Variants in SLC24A2 observed in about 807,000 individuals in gnomAD.
SLC24A2 encodes the protein sodium/potassium/calcium exchanger 2.
In SLC24A2, 36 loss-of-function variants were observed where a neutral mutation model predicts 62.0. That is an observed-to-expected ratio of 0.58 (90% confidence interval 0.44 to 0.77). The LOEUF (loss-of-function observed/expected upper bound fraction) is 0.77, where lower values mean the gene tolerates loss of function less well. Among genes scored for constraint, SLC24A2 ranks in the 30% least tolerant of loss-of-function variants. SLC24A2 has a pLI of 0.00. For missense variants in SLC24A2, 846 were observed against 817.9 expected, an observed-to-expected ratio of 1.03 and a Z score of -0.42; for synonymous variants, 358 against 294.0, an observed-to-expected ratio of 1.22 and a Z score of -2.23.
At chr9:19,795,675 G>A in the SLC24A2 span, among the ~76,000 whole-genome samples, 1 of 151,766 alleles carries the variant, frequency 6.6e-6, no homozygotes, top group Non-Finnish European at 1.5e-5. Context: ...ATTCTTATCA[G>A]GGAAGAGGTG....
At chr9:20,287,652 T>C in the SLC24A2 span, among the ~76,000 whole-genome samples, 1 of 152,218 alleles carries the variant, frequency 6.6e-6, no homozygotes, top group East Asian at 1.9e-4. Context: ...AATACGTGCC[T>C]TCGCAGAGCT....
the SLC24A2 span, among the ~76,000 whole-genome samples, chr9:19,827,105 G>A: frequency 6.6e-6 from 1 of 152,154 alleles, no homozygotes; most frequent in East Asian, 1.9e-4. Context: ...ACTTTTTCAT[G>A]TTTCTAAGTT....
chr9:20,268,817 T>C, the SLC24A2 span, among the ~76,000 whole-genome samples: 1 of 152,192 alleles, frequency 6.6e-6, no homozygotes, highest in South Asian at 2.1e-4. Context: ...TGTCCCAGAC[T>C]CATTGCAGGC....
Position 19,632,329 on chromosome 9 carries a change from G to A in SLC24A2, c.931-10030C>T, listed in dbSNP as rs933069770. Among the ~76,000 whole-genome samples, 3 of 152,098 alleles carry A rather than the reference G, an allele frequency of 2.0e-5. No individual in the cohort carries two copies. Among genetic ancestry groups the A allele is most frequent in the East Asian group, 1.9e-4 (1 of 5,170 alleles). ...CCATTTGCCAAATATCCTCCTTCACGGCATTTAAAAAATCACCCATTCATT... is the reference window on the plus strand; with the variant it reads ...CCATTTGCCAAATATCCTCCTTCACAGCATTTAAAAAATCACCCATTCATT... On this transcript the variant is annotated intron_variant, in intron 2 of 10. Transcript: ENST00000341998. The surrounding 1 kb of genome is among the most constrained non-coding windows in gnomAD (Gnocchi z 4.5).
At chr9:19,636,326 T>TTCTTTTCCTTTTC (rs1491476004) in intron 2 of SLC24A2, among the ~76,000 whole-genome samples, 3 of 26,874 alleles carry the variant, frequency 1.1e-4, no homozygotes, top group Non-Finnish European at 2.2e-4. Context: ...TTTCTTTCTT[T>TTCTTTTCCTTTTC]CTTTCTTTCT....
chr9:19,919,963 A>G, the SLC24A2 span, among the ~76,000 whole-genome samples: 2 of 152,190 alleles, frequency 1.3e-5, no homozygotes, highest in East Asian at 1.9e-4. Context: ...TCAGAGCCCA[A>G]TATATTCAAT....
the SLC24A2 span, among the ~76,000 whole-genome samples, chr9:20,304,294 G>A: frequency 0.015 from 2,213 of 151,848 alleles, 37 homozygotes; most frequent in Non-Finnish European, 0.021. Flanking sequence ...CCACAGCCCC[G>A]GGAGCGGATT....
At chr9:20,042,909 T>C in the SLC24A2 span, among the ~76,000 whole-genome samples, 1 of 152,244 alleles carries the variant, frequency 6.6e-6, no homozygotes, top group African/African-American at 2.4e-5. Flanking sequence ...CCATGTAAGA[T>C]GGAAAACTTA....
At chr9:20,218,682 G>C in the SLC24A2 span, among the ~76,000 whole-genome samples, 2 of 152,138 alleles carry the variant, frequency 1.3e-5, no homozygotes, top group African/African-American at 4.8e-5. Context: ...GTTCATACAG[G>C]ACTGAGCCAA....
At chr9:20,306,591 G>A in the SLC24A2 span, among the ~76,000 whole-genome samples, 1 of 152,244 alleles carries the variant, frequency 6.6e-6, no homozygotes, top group Non-Finnish European at 1.5e-5. Flanking sequence ...AGCCAGGGAG[G>A]TGGCACATCC....
the SLC24A2 span, among the ~76,000 whole-genome samples, chr9:19,905,474 T>A: frequency 6.6e-6 from 1 of 151,616 alleles, no homozygotes; most frequent in Non-Finnish European, 1.5e-5. Context: ...AATGGTGTGA[T>A]CTAGGCTCAA....
At chr9:20,270,257 C>T in the SLC24A2 span, among the ~76,000 whole-genome samples, 1 of 152,298 alleles carries the variant, frequency 6.6e-6, no homozygotes, top group South Asian at 2.1e-4. Context: ...AATCAAATTT[C>T]AGCATGCATT....
At chr9:19,798,433 A>G in the SLC24A2 span, among the ~76,000 whole-genome samples, 1 of 152,136 alleles carries the variant, frequency 6.6e-6, no homozygotes, top group Admixed American at 6.6e-5. Flanking sequence ...TTCCAAAATA[A>G]GATTTTCTTA....
intron 2 of SLC24A2, among the ~76,000 whole-genome samples, chr9:19,697,955 A>G (rs1370769464): frequency 2.0e-5 from 3 of 152,208 alleles, no homozygotes; most frequent in African/African-American, 7.2e-5. Flanking sequence ...AATATATATT[A>G]AGACCATGGC....
At chr9:20,135,362 T>C in the SLC24A2 span, among the ~76,000 whole-genome samples, 1 of 113,604 alleles carries the variant, frequency 8.8e-6, no homozygotes, top group Admixed American at 9.4e-5. Context: ...ATTTAAAATT[T>C]TAATTTTTAA....
chr9:19,552,045 T>C (rs889835858), intron 7 of SLC24A2, among the ~76,000 whole-genome samples: 8 of 152,190 alleles, frequency 5.3e-5, no homozygotes, highest in African/African-American at 1.9e-4. Context: ...TAAGGCAGCA[T>C]CAGGAAGTTG....
chr9:19,671,676 A>G (rs530932505), intron 2 of SLC24A2, among the ~76,000 whole-genome samples: 1 of 152,244 alleles, frequency 6.6e-6, no homozygotes, highest in African/African-American at 2.4e-5. Context: ...TTTCAGTATT[A>G]GGTTGGCTGT....
the SLC24A2 span, among the ~76,000 whole-genome samples, chr9:19,895,190 G>A: frequency 6.6e-6 from 1 of 151,410 alleles, no homozygotes; most frequent in Non-Finnish European, 1.5e-5. Context: ...TGTGCTCAGC[G>A]ATTTAGAGGA....
At chr9:19,803,578 C>T in the SLC24A2 span, among the ~76,000 whole-genome samples, 1 of 152,080 alleles carries the variant, frequency 6.6e-6, no homozygotes, top group African/African-American at 2.4e-5. Flanking sequence ...TAACCATATT[C>T]AATCGCTTAT....
Sources: allele counts gnomAD v4.1 joint callset (sites outside exome capture counted in the v4.1 genomes callset), GRCh38; gene constraint gnomAD v4.1.1; non-coding constraint Gnocchi (gnomAD v3.1); transcripts MANE v1.5; gene names NCBI Gene and HGNC (gene_info 2026-07-23, HGNC 2026-07-21).